Variants in KIAA1217 observed in about 807,000 individuals in gnomAD.
KIAA1217 encodes KIAA1217, also known as sickle tail protein homolog.
In KIAA1217, 88 loss-of-function variants were observed where a neutral mutation model predicts 163.9. The observed-to-expected ratio is 0.54, with a 90% CI of 0.45 to 0.64. The LOEUF is 0.64. KIAA1217 is among the 30% of genes least tolerant of loss of function. The probability of loss-of-function intolerance (pLI) is 0.00; values close to 1 mark genes in which losing one functional copy is unlikely to be tolerated. For missense variants in KIAA1217, 2,372 were observed against 2,475.0 expected (o/e 0.96, Z 0.88); for synonymous variants, 903 against 923.1 (o/e 0.98, Z 0.39).
intron 2 of KIAA1217, chr10:24,158,297 C>G (rs532803822): frequency 2.9e-6 from 2 of 700,618 alleles, no homozygotes; most frequent in African/African-American, 1.7e-5. Context: ...CGGTTGGATC[C>G]TTTTTATACT....
chr10:23,949,931 AT>A (rs1844251715), intron 1 of KIAA1217, among the ~76,000 whole-genome samples: 1 of 152,198 alleles, frequency 6.6e-6, no homozygotes, highest in African/African-American at 2.4e-5. Context: ...TACGTCAGGA[AT>A]TCTTCTAAGG....
chr10:24,313,692 G>T (rs888707646), intron 2 of KIAA1217, among the ~76,000 whole-genome samples: 1 of 152,074 alleles, frequency 6.6e-6, no homozygotes, highest in African/African-American at 2.4e-5. Flanking sequence ...TTTATAGATT[G>T]CAGAAAGCTG....
At chr10:23,736,933 G>C (rs1838840005) in intron 1 of KIAA1217, among the ~76,000 whole-genome samples, 1 of 152,050 alleles carries the variant, frequency 6.6e-6, no homozygotes, top group Admixed American at 6.5e-5. Flanking sequence ...TTCGGAATCA[G>C]CTTGCCAAGA....
At chr10:24,442,896 A>G (rs183072680) in intron 5 of KIAA1217, among the ~76,000 whole-genome samples, 4 of 150,212 alleles carry the variant, frequency 2.7e-5, no homozygotes, top group African/African-American at 7.4e-5. Flanking sequence ...AGCATTTATT[A>G]AGCACTTTTG....
At chr10:24,248,442 A>T (rs1460398236) in intron 2 of KIAA1217, among the ~76,000 whole-genome samples, 4 of 152,126 alleles carry the variant, frequency 2.6e-5, no homozygotes, top group African/African-American at 9.7e-5. Context: ...AGGCCAAGGC[A>T]GGTGGATCAC....
intron 2 of KIAA1217, among the ~76,000 whole-genome samples, chr10:24,179,461 C>T (rs1030620734): frequency 6.6e-6 from 1 of 152,168 alleles, no homozygotes; most frequent in Non-Finnish European, 1.5e-5. Flanking sequence ...TGCTTGCCCT[C>T]CACCTTTTGC....
rs1005457501 is a variant in KIAA1217 at position 24,254,185 on chromosome 10, C to T, written c.354+34276C>T. Among the ~76,000 whole-genome samples, 14 of 152,310 alleles carry T rather than the reference C, an allele frequency of 9.2e-5. No homozygotes were observed. In the East Asian group the frequency reaches 9.6e-4, roughly 10 times the overall value. On this transcript the variant is annotated intron_variant, in intron 2 of 20. Transcript: ENST00000376454. ...TCAGGTCAGTTGCTCAGAATGCACC[C>T]AGCAAAGATTGGCTGAACAAAGACA...
chr10:24,160,876 C>A (rs2065088447), intron 2 of KIAA1217, among the ~76,000 whole-genome samples: 1 of 152,134 alleles, frequency 6.6e-6, no homozygotes, highest in Non-Finnish European at 1.5e-5. Flanking sequence ...TTTGCTGTGG[C>A]TAAAATTGAA....
At chr10:24,338,414 GA>G (rs1338746916) in intron 2 of KIAA1217, among the ~76,000 whole-genome samples, 1 of 152,000 alleles carries the variant, frequency 6.6e-6, no homozygotes, top group African/African-American at 2.4e-5. Context: ...CAAGTGGCCT[GA>G]AAAAAAATGA....
intron 2 of KIAA1217, among the ~76,000 whole-genome samples, chr10:24,112,598 T>G (rs900281974): frequency 6.6e-6 from 1 of 152,058 alleles, no homozygotes; most frequent in Non-Finnish European, 1.5e-5. Flanking sequence ...ATTTTATTTT[T>G]TTTTGAGACA....
intron 3 of KIAA1217, among the ~76,000 whole-genome samples, chr10:24,429,695 T>C (rs2059437407): frequency 6.6e-6 from 1 of 152,202 alleles, no homozygotes; most frequent in Non-Finnish European, 1.5e-5. Flanking sequence ...GGTGTTTTCA[T>C]TTGTGTTAGA....
chr10:24,515,419 C>G (rs1324479451), intron 10 of KIAA1217, among the ~76,000 whole-genome samples: 2 of 152,182 alleles, frequency 1.3e-5, no homozygotes, highest in Non-Finnish European at 2.9e-5. Context: ...TGAGATAATT[C>G]TCACTTCTGG....
intron 1 of KIAA1217, among the ~76,000 whole-genome samples, chr10:23,757,610 C>T (rs960144252): frequency 5.9e-5 from 9 of 152,146 alleles, no homozygotes; most frequent in East Asian, 3.9e-4. Context: ...CTCTGCCTCC[C>T]GGGTTCCCAT....
intron 1 of KIAA1217, among the ~76,000 whole-genome samples, chr10:23,841,827 CTTTA>C (rs1206853772): frequency 3.2e-4 from 43 of 133,566 alleles, no homozygotes; most frequent in East Asian, 1.3e-3. Context: ...ACCATTGGGA[CTTTA>C]TTTTATTTTA....
At chr10:23,764,136 T>G (rs1357094213) in intron 1 of KIAA1217, among the ~76,000 whole-genome samples, 1 of 151,938 alleles carries the variant, frequency 6.6e-6, no homozygotes, top group African/African-American at 2.4e-5. Context: ...CATCAAAAAG[T>G]GGGCAAAGGA....
intron 3 of KIAA1217, among the ~76,000 whole-genome samples, chr10:24,419,186 A>AT (rs1564645611): frequency 6.6e-6 from 1 of 151,646 alleles, no homozygotes; most frequent in African/African-American, 2.4e-5. Context: ...AAAAAAAAAA[A>AT]AAAAGAAAGA....
chr10:24,406,392 A>ACACACACACACAC (rs2057218308), intron 3 of KIAA1217, among the ~76,000 whole-genome samples: 1 of 133,808 alleles, frequency 7.5e-6, no homozygotes, highest in African/African-American at 3.4e-5. Context: ...TTCACACACA[A>ACACACACACACAC]ACACACACAC....
chr10:23,944,101 C>A (rs570307145), intron 1 of KIAA1217, among the ~76,000 whole-genome samples: 1 of 152,248 alleles, frequency 6.6e-6, no homozygotes, highest in Non-Finnish European at 1.5e-5. Flanking sequence ...AAATTGAGAA[C>A]TTCTCATCAA....
chr10:24,517,121 T>C (rs925168730), intron 10 of KIAA1217, among the ~76,000 whole-genome samples: 4 of 151,368 alleles, frequency 2.6e-5, no homozygotes, highest in Non-Finnish European at 4.4e-5. Context: ...GGGTCAAGGC[T>C]GCACGATCAC....
Sources: allele counts gnomAD v4.1 joint callset (sites outside exome capture counted in the v4.1 genomes callset), GRCh38; gene constraint gnomAD v4.1.1; transcripts MANE v1.5; gene names NCBI Gene and HGNC (gene_info 2026-07-23, HGNC 2026-07-21).